The following LSAMP variants were observed in gnomAD, a reference collection of about 807,000 sequenced individuals.
LSAMP encodes the protein limbic system associated membrane protein, also known as limbic system-associated membrane protein.
A neutral mutation model predicts 38.6 loss-of-function variants in LSAMP; 7 were observed. That is an observed-to-expected ratio of 0.18 (90% confidence interval 0.10 to 0.34). The LOEUF (loss-of-function observed/expected upper bound fraction) is 0.34. Ranked by LOEUF, LSAMP falls within the 10% of genes least tolerant of loss-of-function variation. The probability of loss-of-function intolerance (pLI) is 1.00; values close to 1 mark genes in which losing one functional copy is unlikely to be tolerated. For missense variants in LSAMP, 313 were observed against 420.0 expected, an observed-to-expected ratio of 0.75 and a Z score of 2.23; for synonymous variants, 154 against 166.8, an observed-to-expected ratio of 0.92 and a Z score of 0.59.
chr3:116,412,117 C>T (rs575453347), intron 1 of LSAMP, among the ~76,000 whole-genome samples: 41 of 152,098 alleles, frequency 2.7e-4, no homozygotes, highest in Admixed American at 7.9e-4. Flanking sequence ...ATTGCTGATA[C>T]CATTATTACC....
At chr3:116,441,315 T>A (rs1054345544) in intron 1 of LSAMP, among the ~76,000 whole-genome samples, 1 of 152,240 alleles carries the variant, frequency 6.6e-6, no homozygotes, top group Non-Finnish European at 1.5e-5. Flanking sequence ...AGTCCCTGTA[T>A]TTTATCACAT....
At chr3:116,424,292 G>A (rs979314825) in intron 1 of LSAMP, among the ~76,000 whole-genome samples, 2 of 152,188 alleles carry the variant, frequency 1.3e-5, no homozygotes, top group African/African-American at 2.4e-5. Context: ...TACATTGTTG[G>A]TGCTGAATAA....
At chr3:116,291,327 G>A (rs1025046295) in intron 1 of LSAMP, among the ~76,000 whole-genome samples, 1 of 152,136 alleles carries the variant, frequency 6.6e-6, no homozygotes, top group African/African-American at 2.4e-5. Flanking sequence ...ATGGGCAGAC[G>A]ATGTTGAATT....
chr3:115,973,710 G>A (rs1207666456), intron 3 of LSAMP, among the ~76,000 whole-genome samples: 1 of 151,998 alleles, frequency 6.6e-6, no homozygotes, highest in Non-Finnish European at 1.5e-5. Context: ...CTTCAGCCTG[G>A]GTGGCAAGAG....
chr3:116,314,208 G>A (rs2047598780), intron 1 of LSAMP, among the ~76,000 whole-genome samples: 1 of 152,170 alleles, frequency 6.6e-6, no homozygotes, highest in Non-Finnish European at 1.5e-5. Flanking sequence ...AATAGATTGA[G>A]TCCAACATCT....
chr3:116,297,366 G>C (rs2047350591), intron 1 of LSAMP, among the ~76,000 whole-genome samples: 2 of 152,126 alleles, frequency 1.3e-5, no homozygotes, highest in East Asian at 3.9e-4. Context: ...ACAAAGGATA[G>C]TGAGATCCCT....
In LSAMP at chr3:116,284,537, T is replaced by G. The variant is rs570673545; in HGVS notation, c.155+160340A>C. 4.6e-5 allele frequency among the ~76,000 whole-genome samples: 7 copies of G among 152,342 alleles called. No individual in the cohort carries two copies. The East Asian group carries it at 1.4e-3, about 29-fold the overall frequency. On this transcript the variant is annotated intron_variant, in intron 1 of 6. Transcript: ENST00000490035. ...CAAGGCTACTATATCATAGAAGCTGTGGACCATTTCTCAGAAATGCAGCCT... is the reference window on the plus strand; with the variant it reads ...CAAGGCTACTATATCATAGAAGCTGGGGACCATTTCTCAGAAATGCAGCCT...
intron 1 of LSAMP, among the ~76,000 whole-genome samples, chr3:116,274,134 C>T (rs956553342): frequency 1.3e-5 from 2 of 152,144 alleles, no homozygotes; most frequent in Non-Finnish European, 2.9e-5. Context: ...TTTCCCCCTA[C>T]CCCACCTTCT....
intron 3 of LSAMP, among the ~76,000 whole-genome samples, chr3:115,985,123 G>A (rs1576283719): frequency 6.6e-6 from 1 of 152,152 alleles, no homozygotes; most frequent in African/African-American, 2.4e-5. Flanking sequence ...GGAAATTCTG[G>A]TCACTTTACA....
intron 3 of LSAMP, among the ~76,000 whole-genome samples, chr3:115,953,621 C>G (rs934962779): frequency 1.1e-4 from 16 of 152,120 alleles, no homozygotes; most frequent in African/African-American, 3.6e-4. Context: ...TTAACGTGAT[C>G]TGAAGAAAAC....
intron 1 of LSAMP, among the ~76,000 whole-genome samples, chr3:116,097,680 G>A (rs557868556): frequency 4.0e-4 from 61 of 152,256 alleles, no homozygotes; most frequent in African/African-American, 1.4e-3. Flanking sequence ...CCTGGTAGAG[G>A]TAGAGGTAAA....
At chr3:116,412,691 G>C (rs757838170) in intron 1 of LSAMP, among the ~76,000 whole-genome samples, 57 of 151,976 alleles carry the variant, frequency 3.8e-4, no homozygotes, top group Non-Finnish European at 6.9e-4. Flanking sequence ...TTTTAAAATG[G>C]GGGATTTTAT....
intron 3 of LSAMP, among the ~76,000 whole-genome samples, chr3:115,974,420 T>C (rs114696326): frequency 0.023 from 3,523 of 151,264 alleles, 64 homozygotes; most frequent in Non-Finnish European, 0.035. Flanking sequence ...CTAAAATGAG[T>C]GACTGAGGCA....
At chr3:115,904,442 A>G (rs956922079) in intron 3 of LSAMP, among the ~76,000 whole-genome samples, 2 of 152,170 alleles carry the variant, frequency 1.3e-5, no homozygotes, top group East Asian at 3.8e-4. Flanking sequence ...AAATTATAGA[A>G]GAGTTCTACT....
At chr3:116,281,187 G>A (rs1354084470) in intron 1 of LSAMP, among the ~76,000 whole-genome samples, 1 of 152,174 alleles carries the variant, frequency 6.6e-6, no homozygotes, top group Non-Finnish European at 1.5e-5. Flanking sequence ...AGAATTTTGA[G>A]GGTGTTTGAA....
chr3:115,920,474 T>C (rs1035843532), intron 3 of LSAMP, among the ~76,000 whole-genome samples: 3 of 152,240 alleles, frequency 2.0e-5, no homozygotes, highest in Non-Finnish European at 4.4e-5. Flanking sequence ...GTTGAACATC[T>C]TACATATACC....
At chr3:116,060,752 C>A (rs1941579887) in intron 2 of LSAMP, among the ~76,000 whole-genome samples, 2 of 151,950 alleles carry the variant, frequency 1.3e-5, no homozygotes, top group Non-Finnish European at 2.9e-5. Context: ...AAGAGTGAAA[C>A]TCCATCTCAA....
intron 3 of LSAMP, among the ~76,000 whole-genome samples, chr3:115,996,821 G>T (rs1018594878): frequency 6.6e-6 from 1 of 152,044 alleles, no homozygotes; most frequent in Non-Finnish European, 1.5e-5. Context: ...AATAAACCAG[G>T]TCTATTCAAC....
chr3:116,031,536 T>C (rs561961039), intron 2 of LSAMP, among the ~76,000 whole-genome samples: 2 of 108,962 alleles, frequency 1.8e-5, no homozygotes, highest in South Asian at 7.2e-4. Context: ...CTAGCCTAAA[T>C]TCTTTTTTTT....
Sources: gnomAD v4.1 joint callset for allele counts (sites outside exome capture counted in the v4.1 genomes callset) on GRCh38, gnomAD v4.1.1 for gene constraint, MANE v1.5 for transcripts, NCBI Gene and HGNC (gene_info 2026-07-23, HGNC 2026-07-21) for gene names.